The following GRK3 variants were observed in gnomAD, a reference collection of about 807,000 sequenced individuals.
GRK3 encodes the protein adrenergic, beta, receptor kinase 2.
A neutral mutation model predicts 95.7 loss-of-function variants in GRK3; 54 were observed. That is an observed-to-expected ratio of 0.56 (90% CI 0.45 to 0.71). The LOEUF (loss-of-function observed/expected upper bound fraction) is 0.71. GRK3 is among the 30% of genes least tolerant of loss of function. The pLI is 0.00. For missense variants in GRK3, 649 were observed against 851.2 expected (o/e 0.76, Z 2.96); for synonymous variants, 281 against 290.8 (o/e 0.97, Z 0.34).
In GRK3 at chr22:25,714,567, G is replaced by A; in HGVS notation, c.1651G>A (p.Glu551Lys). Residue 551 changes from glutamate (E) to lysine (K), a missense_variant, in exon 18 of 21, where the codon GAA becomes AAA. Physicochemically the swap from Glu to Lys is moderately conservative, Grantham distance 56. Around this residue, in one of 3 missense-constraint regions of GRK3, gnomAD observed 382 missense variants for 493.8 expected, o/e 0.77. Coordinates refer to ENST00000324198, the MANE Select transcript of GRK3 (RefSeq NM_005160.4). Reference sequence around the variant, plus strand: ...TAAAAATAAGCAACTTGGCCACGAAGAAGGTAAAATAGCTCACGTGTCTCA... The same window carrying A: ...TAAAAATAAGCAACTTGGCCACGAAAAAGGTAAAATAGCTCACGTGTCTCA... ...RAKNKQLGHE[E>K]DYALGKDCIM... 1 of 1,594,938 alleles carries A rather than the reference G, an allele frequency of 6.3e-7. No homozygotes were observed. The highest frequency in any genetic ancestry group is 8.5e-7 in the Non-Finnish European group (1 of 1,173,814).
intron 3 of GRK3, among the ~76,000 whole-genome samples, chr22:25,653,302 A>G (rs183145758): frequency 3.6e-4 from 55 of 152,346 alleles, no homozygotes; most frequent in Non-Finnish European, 7.6e-4. Context: ...ACTGCTTACA[A>G]GAGATATAAA....
intron 1 of GRK3, among the ~76,000 whole-genome samples, chr22:25,566,768 T>C (rs1261811053): frequency 2.6e-5 from 4 of 152,184 alleles, no homozygotes; most frequent in African/African-American, 9.7e-5. Flanking sequence ...ACATTTCTAA[T>C]GTGGTAGAAA....
rs1932345034 is a variant in GRK3 at position 25,587,241 on chromosome 22, A to G, written c.114-17136A>G. Among the ~76,000 whole-genome samples the G allele has an allele frequency of 2.6e-5, 4 of 152,080 alleles. No individual in the cohort carries two copies. The South Asian group carries it at 8.3e-4, about 32-fold the overall frequency. ...GATTACATGGTCCGATTTATATTTT[A>G]GAAAAATTACTCTTGGAAACAAGGA... On this transcript the variant is annotated intron_variant, in intron 1 of 20. Coordinates refer to ENST00000324198, the MANE Select transcript of GRK3 (RefSeq NM_005160.4).
At chr22:25,698,498 G>A (rs1226567059) in intron 13 of GRK3, among the ~76,000 whole-genome samples, 4 of 152,168 alleles carry the variant, frequency 2.6e-5, no homozygotes, top group Admixed American at 6.5e-5. Flanking sequence ...ATGGTCTGTC[G>A]GGTAGGCTTT....
At position 25,704,245 on chromosome 22, in the gene GRK3, A is replaced by G. The variant is rs769450573; in HGVS notation, c.1328+36A>G. On this transcript the variant is annotated intron_variant, in intron 15 of 20. Coordinates refer to ENST00000324198, the MANE Select transcript of GRK3 (RefSeq NM_005160.4). ...GTTCCTGCCTTTCGGTATCTTTACC[A>G]GAAGAGCAAAATAGTGATTTTAAAT... 15 of 1,492,496 alleles carry G rather than the reference A, an allele frequency of 1.0e-5. No individual in the cohort carries two copies. In the East Asian group the frequency reaches 3.0e-4, roughly 29 times the overall value. The allele number at this position is 1,492,496 out of a possible 1,614,324, so 92.5% of individuals were successfully genotyped here.
chr22:25,661,794 C>T (rs973449821), intron 4 of GRK3, 117 bp downstream of exon 4: 14 of 548,168 alleles, frequency 2.6e-5, no homozygotes, highest in African/African-American at 1.3e-4. Context: ...AATGCACGCC[C>T]GGGATGGATC....
chr22:25,584,675 C>G (rs1020020144), intron 1 of GRK3, among the ~76,000 whole-genome samples: 11 of 152,282 alleles, frequency 7.2e-5, no homozygotes, highest in African/African-American at 2.4e-4. Context: ...CTTACTGTGC[C>G]TAACTGATAA....
In GRK3 at chr22:25,724,115, A is replaced by AACACACACACACACACACACAC. The variant is rs60731107; in HGVS notation, c.*1680_*1701dup. 44 of 144,650 alleles carry AACACACACACACACACACACAC rather than the reference A, an allele frequency of 3.0e-4. No individual in the cohort carries two copies. The highest frequency in any genetic ancestry group is 1.1e-3 in the African/African-American group (43 of 39,408). The allele number at this position is 144,650 out of a possible 1,614,324, so 9.0% of individuals were successfully genotyped here. A position where few individuals can be genotyped will look rare whatever the true frequency, so the allele number is the denominator to read the frequency against. On this transcript the variant is annotated 3_prime_UTR_variant, in exon 21 of 21. Coordinates refer to ENST00000324198, the MANE Select transcript of GRK3 (RefSeq NM_005160.4). ...AAGAATAGTATTCAAATTCTGTTGAAACACACACACACACACACACACACA... is the reference window on the plus strand; with the variant it reads ...AAGAATAGTATTCAAATTCTGTTGAAACACACACACACACACACACACACACACACACACACACACACACACA...
intron 15 of GRK3, among the ~76,000 whole-genome samples, chr22:25,706,390 G>C (rs2085299987): frequency 6.6e-6 from 1 of 152,120 alleles, no homozygotes; most frequent in Admixed American, 6.5e-5. Context: ...CTGGAGCTCA[G>C]CATGCTGGCT....
intron 19 of GRK3, among the ~76,000 whole-genome samples, chr22:25,719,141 A>G (rs1194455903): frequency 6.6e-6 from 1 of 152,052 alleles, no homozygotes; most frequent in African/African-American, 2.4e-5. Flanking sequence ...CCCTGTGGAT[A>G]CTAAGGGATG....
chr22:25,625,313 G>A (rs1001384298), intron 2 of GRK3, among the ~76,000 whole-genome samples: 31 of 152,198 alleles, frequency 2.0e-4, no homozygotes, highest in African/African-American at 7.0e-4. Flanking sequence ...TCCTCGCTCT[G>A]CAATCATAAC....
chr22:25,581,456 A>G (rs1476913392), intron 1 of GRK3: 5 of 152,246 alleles, frequency 3.3e-5, no homozygotes, highest in Non-Finnish European at 7.3e-5. Context: ...CAAACAACTT[A>G]GATTGACGGG....
At chr22:25,634,780 C>T (rs1285931878) in intron 2 of GRK3, among the ~76,000 whole-genome samples, 2 of 152,074 alleles carry the variant, frequency 1.3e-5, no homozygotes, top group Admixed American at 6.5e-5. Flanking sequence ...TTGACAGCAA[C>T]CATTTCTATT....
chr22:25,708,899 C>A (rs1466311394), intron 15 of GRK3, among the ~76,000 whole-genome samples: 2 of 151,936 alleles, frequency 1.3e-5, no homozygotes, highest in Admixed American at 1.3e-4. Context: ...TGAACTCAGA[C>A]AATCCACCCA....
At chr22:25,706,688 G>T (rs148621089) in intron 15 of GRK3, among the ~76,000 whole-genome samples, 2,722 of 152,056 alleles carry the variant, frequency 0.018, 84 homozygotes, top group African/African-American at 0.063. Context: ...GCACCACCAC[G>T]CCCAGCTAAT....
intron 2 of GRK3, 105 bp downstream of exon 2, chr22:25,604,558 G>C: frequency 1.6e-6 from 1 of 623,418 alleles, no homozygotes; most frequent in African/African-American, 1.9e-5. Flanking sequence ...ATCCTCTATA[G>C]CTGTGGCTGG....
chr22:25,637,191 G>T (rs1290676420), intron 2 of GRK3, among the ~76,000 whole-genome samples: 1 of 152,138 alleles, frequency 6.6e-6, no homozygotes, highest in African/African-American at 2.4e-5. Context: ...GCCTTTTCCT[G>T]GTTCTCAGAC....
rs571779723 is a variant in GRK3, at chr22:25,646,816, T to A, written c.264+2151T>A. Among the ~76,000 whole-genome samples, 11 of 149,882 alleles carry A rather than the reference T, an allele frequency of 7.3e-5. No homozygotes were observed. The East Asian group carries it at 1.8e-3, about 24-fold the overall frequency. Reference sequence around the variant, plus strand: ...GGCGGGTGGATCACGAGGTCAGGAGTTCAAGACCAGCCTGACCAACATGGT... The same window carrying A: ...GGCGGGTGGATCACGAGGTCAGGAGATCAAGACCAGCCTGACCAACATGGT... On this transcript the variant is annotated intron_variant, in intron 3 of 20. Transcript: ENST00000324198.
intron 18 of GRK3, among the ~76,000 whole-genome samples, chr22:25,717,243 C>T (rs1288239401): frequency 6.6e-6 from 1 of 152,086 alleles, no homozygotes; most frequent in African/African-American, 2.4e-5. Flanking sequence ...TCGGTGTCTG[C>T]TGGGGTCCTG....
Sources: allele counts gnomAD v4.1 joint callset (sites outside exome capture counted in the v4.1 genomes callset), GRCh38; gene constraint gnomAD v4.1.1; regional missense constraint gnomAD v4.1.1; transcripts MANE v1.5; gene names NCBI Gene and HGNC (gene_info 2026-07-23, HGNC 2026-07-21).